Variants in ELOVL5 observed in about 807,000 individuals in gnomAD.
ELOVL5 encodes very long chain fatty acid elongase 5.
In ELOVL5, 8 loss-of-function variants were observed where a neutral mutation model predicts 38.6. The observed-to-expected ratio is 0.21, with a 90% CI of 0.12 to 0.37. The LOEUF (loss-of-function observed/expected upper bound fraction) is 0.37, where lower values mean the gene tolerates loss of function less well. ELOVL5 is among the 10% of genes least tolerant of loss of function. The probability of loss-of-function intolerance (pLI) is 1.00; values close to 1 mark genes in which losing one functional copy is unlikely to be tolerated. For synonymous variants in ELOVL5, 127 were observed against 133.7 expected, an observed-to-expected ratio of 0.95 and a Z score of 0.34; for missense variants, 280 against 367.8, an observed-to-expected ratio of 0.76 and a Z score of 1.95.
chr6:53,328,837 G>C (rs1411880865), intron 1 of ELOVL5, among the ~76,000 whole-genome samples: 1 of 152,138 alleles, frequency 6.6e-6, no homozygotes, highest in Non-Finnish European at 1.5e-5. Flanking sequence ...TTTACTCCTT[G>C]TTGTTTTGGG....
chr6:53,282,968 C>T (rs1766416802), intron 3 of ELOVL5, among the ~76,000 whole-genome samples: 1 of 152,182 alleles, frequency 6.6e-6, no homozygotes, highest in African/African-American at 2.4e-5. Flanking sequence ...GAGATGCTTT[C>T]ACAGCCCACA....
At chr6:53,277,918 G>C (rs1047111655) in intron 3 of ELOVL5, among the ~76,000 whole-genome samples, 15 of 152,228 alleles carry the variant, frequency 9.9e-5, no homozygotes, top group South Asian at 2.1e-4. Context: ...CCTGTGGCTT[G>C]AGGGTACAGA....
At chr6:53,347,300 A>G (rs570560897) in intron 1 of ELOVL5, among the ~76,000 whole-genome samples, 3 of 152,228 alleles carry the variant, frequency 2.0e-5, no homozygotes, top group African/African-American at 7.2e-5. Context: ...AAGGAAAATG[A>G]GTAACATTTC....
chr6:53,314,421 G>T (rs1284619949), intron 1 of ELOVL5, among the ~76,000 whole-genome samples: 1 of 152,184 alleles, frequency 6.6e-6, no homozygotes, highest in Non-Finnish European at 1.5e-5. Context: ...GAGTGAAGGA[G>T]AAACAAATAC....
intron 5 of ELOVL5, 100 bp downstream of exon 5, chr6:53,274,990 A>G: frequency 8.6e-7 from 1 of 1,168,900 alleles, no homozygotes; most frequent in Non-Finnish European, 1.2e-6. Flanking sequence ...TGAAAGCCTG[A>G]CCTAGACATT....
intron 1 of ELOVL5, among the ~76,000 whole-genome samples, chr6:53,342,986 A>C (rs966336169): frequency 8.5e-5 from 13 of 152,218 alleles, no homozygotes; most frequent in Admixed American, 2.0e-4. Flanking sequence ...CCATGGAGCA[A>C]ACACGCCAGT....
At chr6:53,334,391 T>C (rs1185696389) in intron 1 of ELOVL5, among the ~76,000 whole-genome samples, 1 of 152,184 alleles carries the variant, frequency 6.6e-6, no homozygotes, top group African/African-American at 2.4e-5. Flanking sequence ...GAGGGCCATA[T>C]AACTTTTATC....
At chr6:53,275,294 T>C (rs765367289) in intron 4 of ELOVL5, 33 bp from the exon 5 acceptor site, 5 of 1,601,650 alleles carry the variant, frequency 3.1e-6, no homozygotes, top group African/African-American at 1.3e-5. Context: ...TTAAGGCTTA[T>C]CCTCACGGCT....
At chr6:53,341,241 T>C (rs1769311764) in intron 1 of ELOVL5, among the ~76,000 whole-genome samples, 1 of 152,258 alleles carries the variant, frequency 6.6e-6, no homozygotes, top group Non-Finnish European at 1.5e-5. Context: ...CCCTATTAGC[T>C]TTCTTTATCT....
intron 1 of ELOVL5, among the ~76,000 whole-genome samples, chr6:53,316,683 T>C (rs1561883804): frequency 7.0e-6 from 1 of 142,172 alleles, no homozygotes; most frequent in Non-Finnish European, 1.5e-5. Context: ...ATGGGAGAGA[T>C]GTCCAGGGTG....
chr6:53,346,439 G>A (rs1769545311), intron 1 of ELOVL5, among the ~76,000 whole-genome samples: 1 of 152,072 alleles, frequency 6.6e-6, no homozygotes. Flanking sequence ...ACCTCACAGA[G>A]GTGTTATAAG....
chr6:53,297,450 C>T (rs1767051336), intron 1 of ELOVL5, among the ~76,000 whole-genome samples: 1 of 152,160 alleles, frequency 6.6e-6, no homozygotes, highest in Non-Finnish European at 1.5e-5. Flanking sequence ...CGCAGTCCCA[C>T]TCCATCCTGC....
At chr6:53,345,067 GC>G (rs1237542809) in intron 1 of ELOVL5, among the ~76,000 whole-genome samples, 2 of 152,132 alleles carry the variant, frequency 1.3e-5, no homozygotes, top group East Asian at 3.8e-4. Context: ...TCTGGGATGG[GC>G]CCCCAGCTTA....
At chr6:53,277,965 A>C (rs144230546) in intron 3 of ELOVL5, among the ~76,000 whole-genome samples, 4 of 152,342 alleles carry the variant, frequency 2.6e-5, no homozygotes, top group Non-Finnish European at 5.9e-5. Context: ...TGTTTGTGGG[A>C]CAACCGCGAA....
chr6:53,348,239 G>C (rs1257187328), intron 1 of ELOVL5, among the ~76,000 whole-genome samples: 1 of 152,206 alleles, frequency 6.6e-6, no homozygotes, highest in Admixed American at 6.5e-5. Context: ...GCGGACGGAA[G>C]GTCCGCAGGG....
chr6:53,331,724 T>TA (rs1768812184), intron 1 of ELOVL5, among the ~76,000 whole-genome samples: 2 of 152,392 alleles, frequency 1.3e-5, no homozygotes, highest in South Asian at 4.1e-4. Flanking sequence ...TGAAGTTTGT[T>TA]AAAATGGTCA....
chr6:53,281,833 T>C (rs1370454932), intron 3 of ELOVL5, among the ~76,000 whole-genome samples: 1 of 151,806 alleles, frequency 6.6e-6, no homozygotes, highest in Non-Finnish European at 1.5e-5. Context: ...TTTTTTTTTT[T>C]TCCTTCTCCT....
At position 53,271,563 on chromosome 6, in the gene ELOVL5, C is replaced by T. The variant is rs554784180; in HGVS notation, c.622-836G>A. On this transcript the variant is annotated intron_variant, in intron 6 of 7. Transcript: ENST00000304434. ...GACTCCAGCTCAACCCCTGCCCCTC[C>T]CCCCAAAAAAAGGGCTAGGCTCTGC... 4.6e-5 allele frequency among the ~76,000 whole-genome samples: 7 copies of T among 151,226 alleles called. No homozygotes were observed. In the East Asian group the frequency reaches 9.8e-4, roughly 21 times the overall value.
At chr6:53,277,117 T>C (rs549077348) in intron 3 of ELOVL5, 3 of 152,986 alleles carry the variant, frequency 2.0e-5, no homozygotes, top group African/African-American at 7.3e-5. Context: ...CACAAGAGTT[T>C]AGCTTGGCGA....
Sources: gnomAD v4.1 joint callset for allele counts (sites outside exome capture counted in the v4.1 genomes callset) on GRCh38, gnomAD v4.1.1 for gene constraint, MANE v1.5 for transcripts, NCBI Gene and HGNC (gene_info 2026-07-23, HGNC 2026-07-21) for gene names.